UNC5C: variants seen among roughly 807,000 people sequenced by gnomAD.
UNC5C encodes netrin receptor UNC5C.
UNC5C carries 47 observed loss-of-function variants against 99.8 expected under a neutral mutation model. The ratio of observed to expected loss-of-function variants is 0.47; its 90% CI spans 0.37 to 0.60. UNC5C has a LOEUF of 0.60. Ranked by LOEUF, UNC5C falls within the 20% of genes least tolerant of loss-of-function variation. UNC5C has a pLI of 0.00. For synonymous variants in UNC5C, 487 were observed against 452.2 expected, an observed-to-expected ratio of 1.08 and a Z score of -0.98; for missense variants, 1,062 against 1,165.9, an observed-to-expected ratio of 0.91 and a Z score of 1.30.
intron 1 of UNC5C, among the ~76,000 whole-genome samples, chr4:95,484,928 C>A (rs3915845): frequency 2.0e-5 from 3 of 151,596 alleles, no homozygotes; most frequent in Non-Finnish European, 3.0e-5. Flanking sequence ...ATTTTTGAAC[C>A]TGTAAACACT....
chr4:95,520,688 T>C (rs971852637), intron 1 of UNC5C, among the ~76,000 whole-genome samples: 1 of 148,158 alleles, frequency 6.7e-6, no homozygotes, highest in Non-Finnish European at 1.5e-5. Flanking sequence ...AAGCTCTGCC[T>C]CCCAGGTTCA....
chr4:95,317,893 A>AT lies in UNC5C; in HGVS notation c.347-16145dup, dbSNP rs201988900. 3.3e-3 allele frequency among the ~76,000 whole-genome samples: 502 copies of AT among 151,976 alleles called. 2 individuals carry two copies. Among genetic ancestry groups the AT allele is most frequent in the Non-Finnish European group, 5.4e-3 (365 of 67,954 alleles). On this transcript the variant is annotated intron_variant, in intron 2 of 15. Transcript: ENST00000453304. Reference sequence around the variant, plus strand: ...CCCTCCTGCACTGTCATATTAAGTGATTTTTTTTCTTGACAAATGCTTGGT... The same window carrying AT: ...CCCTCCTGCACTGTCATATTAAGTGATTTTTTTTTCTTGACAAATGCTTGGT...
chr4:95,379,574 G>A (rs1438985176), intron 1 of UNC5C, among the ~76,000 whole-genome samples: 1 of 152,204 alleles, frequency 6.6e-6, no homozygotes, highest in Non-Finnish European at 1.5e-5. Context: ...ACATGTGTGA[G>A]CTTTCAAAGT....
At chr4:95,469,536 C>A (rs1747900722) in intron 1 of UNC5C, among the ~76,000 whole-genome samples, 1 of 152,014 alleles carries the variant, frequency 6.6e-6, no homozygotes, top group Admixed American at 6.6e-5. Flanking sequence ...GGTTTTCATG[C>A]CTGCTAGCAT....
intron 1 of UNC5C, among the ~76,000 whole-genome samples, chr4:95,513,593 A>G (rs1722133402): frequency 6.6e-6 from 1 of 151,648 alleles, no homozygotes. Context: ...CATGAAGACA[A>G]CACATTAAAA....
intron 1 of UNC5C, among the ~76,000 whole-genome samples, chr4:95,485,772 T>A (rs2149479617): frequency 6.6e-6 from 1 of 151,882 alleles, no homozygotes; most frequent in Middle Eastern, 3.4e-3. Context: ...TAGATCCAGC[T>A]ATAGTTTTAA....
At chr4:95,171,572 C>T (rs1288680786) in intron 14 of UNC5C, among the ~76,000 whole-genome samples, 1 of 152,066 alleles carries the variant, frequency 6.6e-6, no homozygotes, top group Non-Finnish European at 1.5e-5. Flanking sequence ...ATGAACTCAT[C>T]CTTTTTCATG....
At chr4:95,330,934 T>C (rs1490743342) in intron 2 of UNC5C, among the ~76,000 whole-genome samples, 1 of 152,112 alleles carries the variant, frequency 6.6e-6, no homozygotes, top group Non-Finnish European at 1.5e-5. Flanking sequence ...ACACTGTACC[T>C]ATTAAGTAAT....
At chr4:95,213,601 C>T (rs186466666) in intron 10 of UNC5C, among the ~76,000 whole-genome samples, 53 of 152,294 alleles carry the variant, frequency 3.5e-4, no homozygotes, top group Non-Finnish European at 6.3e-4. Flanking sequence ...ATTAAGTTCA[C>T]GCCTCCCTTC....
Position 95,268,134 on chromosome 4 carries a change from A to G in UNC5C, c.594+10125T>C, listed in dbSNP as rs575750395. ...CCGGTTAATTTTTTGCATTTTTTTT[A>G]GTAGAGACGGGGTTTCACCGTGGTC... On this transcript the variant is annotated intron_variant, in intron 4 of 15. Coordinates refer to ENST00000453304, the MANE Select transcript of UNC5C (RefSeq NM_003728.4). Among the ~76,000 whole-genome samples the G allele has an allele frequency of 4.6e-5, 7 of 151,834 alleles. No individual in the cohort carries two copies. In the South Asian group the frequency reaches 1.5e-3, roughly 32 times the overall value.
At chr4:95,514,929 C>T (rs1722175109) in intron 1 of UNC5C, among the ~76,000 whole-genome samples, 1 of 152,022 alleles carries the variant, frequency 6.6e-6, no homozygotes, top group African/African-American at 2.4e-5. Context: ...GCCTCAGCCT[C>T]CCAAAGTGCT....
At position 95,207,778 on chromosome 4, in the gene UNC5C, T is replaced by TA. The variant is rs1737933587; in HGVS notation, c.1734-983dup. On this transcript the variant is annotated intron_variant, in intron 10 of 15. Coordinates refer to ENST00000453304, the MANE Select transcript of UNC5C (RefSeq NM_003728.4). ...CTCTAAAACATGGCTGACGTATAGT[T>TA]AGTGCTATAGACACATCCAGAATTG... Among the ~76,000 whole-genome samples, 3 of 152,316 alleles carry TA rather than the reference T, an allele frequency of 2.0e-5. No individual in the cohort carries two copies. In the South Asian group the frequency reaches 6.2e-4, roughly 32 times the overall value.
At chr4:95,336,390 G>A (rs1455970487) in intron 1 of UNC5C, among the ~76,000 whole-genome samples, 2 of 151,822 alleles carry the variant, frequency 1.3e-5, no homozygotes, top group East Asian at 1.9e-4. Context: ...GGAGAACAGA[G>A]CTATTACTAA....
At chr4:95,178,108 C>T (rs926041157) in intron 14 of UNC5C, among the ~76,000 whole-genome samples, 1 of 152,216 alleles carries the variant, frequency 6.6e-6, no homozygotes, top group Non-Finnish European at 1.5e-5. Flanking sequence ...TAGGGCTGTT[C>T]ACCTGTGCTT....
At chr4:95,526,708 A>T (rs1722505754) in intron 1 of UNC5C, among the ~76,000 whole-genome samples, 1 of 152,010 alleles carries the variant, frequency 6.6e-6, no homozygotes, top group African/African-American at 2.4e-5. Context: ...TTAAAAAAAA[A>T]GTTGAATATG....
chr4:95,492,763 A>G (rs1480766449), intron 1 of UNC5C, among the ~76,000 whole-genome samples: 1 of 151,304 alleles, frequency 6.6e-6, no homozygotes, highest in African/African-American at 2.4e-5. Flanking sequence ...TGAGATCAGA[A>G]GAGCAAATTC....
intron 1 of UNC5C, among the ~76,000 whole-genome samples, chr4:95,459,071 C>G (rs553300358): frequency 6.6e-6 from 1 of 152,060 alleles, no homozygotes; most frequent in East Asian, 1.9e-4. Flanking sequence ...TAGGAATTTT[C>G]CTGGGTTATT....
intron 1 of UNC5C, among the ~76,000 whole-genome samples, chr4:95,427,217 T>C (rs936463425): frequency 6.6e-6 from 1 of 152,184 alleles, no homozygotes; most frequent in Non-Finnish European, 1.5e-5. Context: ...TTGCTTCTTA[T>C]GGATGAGCAA....
chr4:95,485,220 C>T (rs1273177936), intron 1 of UNC5C, among the ~76,000 whole-genome samples: 2 of 151,744 alleles, frequency 1.3e-5, no homozygotes, highest in African/African-American at 4.8e-5. Context: ...TTTAAACTCA[C>T]TGAACTAAAC....
Sources: allele counts gnomAD v4.1 joint callset (sites outside exome capture counted in the v4.1 genomes callset), GRCh38; gene constraint gnomAD v4.1.1; transcripts MANE v1.5; gene names NCBI Gene and HGNC (gene_info 2026-07-23, HGNC 2026-07-21).